OSBP2: variants seen among roughly 807,000 people sequenced by gnomAD.
The protein encoded by OSBP2 is oxysterol binding protein 2.
OSBP2 carries 66 observed loss-of-function variants against 96.0 expected under a neutral mutation model. That is an observed-to-expected ratio of 0.69 (90% CI 0.56 to 0.84). The LOEUF (loss-of-function observed/expected upper bound fraction) is 0.84, where lower values mean the gene tolerates loss of function less well. Among genes scored for constraint, OSBP2 ranks in the 40% least tolerant of loss-of-function variants. The pLI is 0.00. For missense variants in OSBP2, 1,038 were observed against 1,222.7 expected, an observed-to-expected ratio of 0.85 and a Z score of 2.25; for synonymous variants, 525 against 520.9, an observed-to-expected ratio of 1.01 and a Z score of -0.11.
chr22:30,697,586 T>G (rs576745962), intron 1 of OSBP2, among the ~76,000 whole-genome samples: 3 of 152,194 alleles, frequency 2.0e-5, no homozygotes, highest in Non-Finnish European at 4.4e-5. Context: ...CATTTCAGAG[T>G]GATCTCAAGT....
intron 1 of OSBP2, among the ~76,000 whole-genome samples, chr22:30,715,420 AG>A (rs2089434144): frequency 6.8e-6 from 1 of 146,458 alleles, no homozygotes; most frequent in African/African-American, 2.5e-5. Context: ...TTCATTGTCC[AG>A]GCTGGAGTGT....
At chr22:30,725,539 C>G (rs1050770638) in intron 1 of OSBP2, among the ~76,000 whole-genome samples, 1 of 135,424 alleles carries the variant, frequency 7.4e-6, no homozygotes, top group African/African-American at 2.7e-5. Flanking sequence ...AAAACAAAAA[C>G]AAAAACAAAA....
chr22:30,820,419 T>C (rs942586318), intron 2 of OSBP2, among the ~76,000 whole-genome samples: 15 of 151,774 alleles, frequency 9.9e-5, no homozygotes, highest in Admixed American at 9.2e-4. Context: ...AAAAATAAAA[T>C]TAAAAACAAA....
intron 2 of OSBP2, among the ~76,000 whole-genome samples, chr22:30,769,746 T>C (rs1404534042): frequency 6.6e-6 from 1 of 152,222 alleles, no homozygotes; most frequent in Admixed American, 6.5e-5. Context: ...TCGTCATCAC[T>C]ACCATTCCAG....
At chr22:30,804,467 A>G (rs1479980557) in intron 2 of OSBP2, among the ~76,000 whole-genome samples, 13 of 152,116 alleles carry the variant, frequency 8.5e-5, no homozygotes, top group African/African-American at 3.1e-4. Context: ...GATGAAATGA[A>G]AGAGGAGGGG....
At chr22:30,755,292 G>A (rs2090127328) in intron 2 of OSBP2, among the ~76,000 whole-genome samples, 1 of 152,174 alleles carries the variant, frequency 6.6e-6, no homozygotes, top group Non-Finnish European at 1.5e-5. Context: ...TGATGTCCTG[G>A]GCCACAGATC....
chr22:30,893,864 G>T lies in OSBP2; in HGVS notation c.2238G>T (p.Leu746=). ...SDSQGKAHYV[L]SGSWDEQMEC... is the part of the protein sequence containing the mutation. ...GCCAGGGCAAGGCCCATTACGTGCT[G>T]TCCGGCTCGTGGGATGAACAAATGG... The change falls in exon 12 of 14, where the codon CTG becomes CTT. Residue 746 remains leucine (L), a synonymous_variant. Coordinates refer to ENST00000332585, the MANE Select transcript of OSBP2 (RefSeq NM_030758.4). 1 of 1,583,500 alleles carries T rather than the reference G, an allele frequency of 6.3e-7. No homozygotes were observed.
chr22:30,694,037 T>C (rs2145653250), upstream of OSBP2: 1 of 1,547,912 alleles, frequency 6.5e-7, no homozygotes, highest in Non-Finnish European at 8.7e-7. Context: ...ACAGCCTCCT[T>C]TGTTATGGAC....
intron 2 of OSBP2, among the ~76,000 whole-genome samples, chr22:30,837,275 A>G (rs1036695273): frequency 3.0e-4 from 46 of 151,944 alleles, no homozygotes; most frequent in Middle Eastern, 6.8e-3. Flanking sequence ...AAAAAAAAAA[A>G]AAAGAAAGAA....
chr22:30,722,544 A>G lies in OSBP2; in HGVS notation c.645-18617A>G, dbSNP rs917393738. The stretch of plus-strand genomic sequence containing the variant: ...TAATGTTATCAAATATCTAGTCAAT[A>G]CTCAAATTTCCCCACTGATTTATAA... On this transcript the variant is annotated intron_variant, in intron 1 of 13. Transcript: ENST00000332585. 2.0e-5 allele frequency among the ~76,000 whole-genome samples: 3 copies of G among 152,154 alleles called. No homozygotes were observed. In the East Asian group the frequency reaches 5.8e-4, roughly 29 times the overall value.
At chr22:30,778,303 G>GCACACGCA (rs1555912358) in intron 2 of OSBP2, among the ~76,000 whole-genome samples, 149 of 146,630 alleles carry the variant, frequency 1.0e-3, no homozygotes, top group Admixed American at 3.0e-3. Context: ...GTGTGCATGT[G>GCACACGCA]CACACACACA....
chr22:30,723,348 A>G (rs1413703783), intron 1 of OSBP2, among the ~76,000 whole-genome samples: 3 of 146,726 alleles, frequency 2.0e-5, no homozygotes, highest in Non-Finnish European at 4.5e-5. Flanking sequence ...TTCATGATCC[A>G]TCCGCCTCAG....
At chr22:30,780,220 C>G (rs1349407650) in intron 2 of OSBP2, among the ~76,000 whole-genome samples, 2 of 152,198 alleles carry the variant, frequency 1.3e-5, no homozygotes, top group Non-Finnish European at 2.9e-5. Flanking sequence ...TTTCCTGCAC[C>G]CCAGTGCTAA....
rs201012802 is a variant in OSBP2, at chr22:30,864,447, GAGTGGGAA to G, written c.854-5977_854-5970del. Among the ~76,000 whole-genome samples, 1,276 of 152,328 alleles carry G rather than the reference GAGTGGGAA, an allele frequency of 8.4e-3. 22 individuals are homozygous for G. The highest frequency in any genetic ancestry group is 0.03 in the African/African-American group (1,229 of 41,580). On this transcript the variant is annotated intron_variant, in intron 2 of 13. Coordinates refer to ENST00000332585, the MANE Select transcript of OSBP2 (RefSeq NM_030758.4). ...AATGCGTGTGTGCGGCGTGGCTCAG[GAGTGGGAA>G]AGTGCCCAAGGCAGCACGAAGGGTG...
At chr22:30,785,948 C>T (rs888999648) in intron 2 of OSBP2, among the ~76,000 whole-genome samples, 1 of 152,002 alleles carries the variant, frequency 6.6e-6, no homozygotes, top group African/African-American at 2.4e-5. Flanking sequence ...TCAATTAAAC[C>T]TCTTTTCTTT....
intron 2 of OSBP2, among the ~76,000 whole-genome samples, chr22:30,853,731 C>A (rs945257441): frequency 2.7e-5 from 4 of 150,288 alleles, no homozygotes; most frequent in Middle Eastern, 3.2e-3. Context: ...AATTTTTTTT[C>A]TTCTACTAGC....
chr22:30,737,435 C>T (rs1230149728), intron 1 of OSBP2, among the ~76,000 whole-genome samples: 1 of 150,470 alleles, frequency 6.6e-6, no homozygotes, highest in Non-Finnish European at 1.5e-5. Context: ...GCAATCCTCT[C>T]ACCTCAGCTC....
intron 3 of OSBP2, among the ~76,000 whole-genome samples, chr22:30,873,730 CTG>C (rs2039511768): frequency 6.6e-6 from 1 of 152,218 alleles, no homozygotes. Context: ...TCGTGAAATG[CTG>C]TGTGTTTTCC....
chr22:30,907,019 G>A lies in OSBP2; in HGVS notation c.*680G>A, dbSNP rs1230786697. 6.6e-6 allele frequency: 1 copy of A among 152,570 alleles called. No individual in the cohort carries two copies. Among genetic ancestry groups the A allele is most frequent in the Admixed American group, 6.5e-5 (1 of 15,286 alleles). 9.5% of individuals were successfully genotyped at this position (152,570 alleles called of 1,614,324 possible). A position where few individuals can be genotyped will look rare whatever the true frequency, so the allele number is the denominator to read the frequency against. On this transcript the variant is annotated 3_prime_UTR_variant, in exon 14 of 14. Transcript: ENST00000332585. Reference sequence around the variant, plus strand: ...AGAGTTTCTGGAGCTCCCATCCACAGATGCAGGAGGGGGTACTGATGGTAA... The same window carrying A: ...AGAGTTTCTGGAGCTCCCATCCACAAATGCAGGAGGGGGTACTGATGGTAA...
Sources: gnomAD v4.1 joint callset for allele counts (sites outside exome capture counted in the v4.1 genomes callset) on GRCh38, gnomAD v4.1.1 for gene constraint, MANE v1.5 for transcripts, NCBI Gene and HGNC (gene_info 2026-07-23, HGNC 2026-07-21) for gene names.